PCCA: variants seen among roughly 807,000 people sequenced by gnomAD.
PCCA encodes propionyl-CoA carboxylase subunit alpha.
PCCA carries 74 observed loss-of-function variants against 101.3 expected under a neutral mutation model. That is an observed-to-expected ratio of 0.73 (90% CI 0.61 to 0.89). The LOEUF (loss-of-function observed/expected upper bound fraction) is 0.89. Among genes scored for constraint, PCCA ranks in the 40% least tolerant of loss-of-function variants. The pLI is 0.00. For synonymous variants in PCCA, 294 were observed against 313.6 expected (o/e 0.94, Z 0.66); for missense variants, 891 against 907.0 (o/e 0.98, Z 0.23).
At chr13:100,109,127 TAGCCATA>T (rs1245135354) in intron 2 of PCCA, among the ~76,000 whole-genome samples, 3 of 152,250 alleles carry the variant, frequency 2.0e-5, no homozygotes. Flanking sequence ...TGAAGAACAG[TAGCCATA>T]GCTAATGCTG....
intron 19 of PCCA, among the ~76,000 whole-genome samples, chr13:100,375,451 T>C (rs1354427516): frequency 6.6e-6 from 1 of 152,190 alleles, no homozygotes; most frequent in South Asian, 2.1e-4. Context: ...TGATCTAATA[T>C]TGACAGTGGG....
rs78993515 is a variant in PCCA, at chr13:100,324,674, G to A, written c.1430-5887G>A. 3.2e-3 allele frequency among the ~76,000 whole-genome samples: 481 copies of A among 152,258 alleles called. 4 individuals carry two copies. Among genetic ancestry groups the A allele is most frequent in the African/African-American group, 0.011 (439 of 41,544 alleles). ...AATGTACACAAACAGTAAAGACGCA[G>A]CATGAAATCATAACCACATTAAGAT... On this transcript the variant is annotated intron_variant, in intron 16 of 23. Transcript: ENST00000376285.
intron 18 of PCCA, among the ~76,000 whole-genome samples, chr13:100,341,973 A>ATATATATATATATAGATATATATATG (rs1257478273): frequency 8.2e-6 from 1 of 121,870 alleles, no homozygotes; most frequent in Non-Finnish European, 1.7e-5. Context: ...ATATATATAT[A>ATATATATATATATAGATATATATATG]TATATATATG....
chr13:100,442,397 G>C (rs756056089), intron 20 of PCCA, among the ~76,000 whole-genome samples: 1 of 152,198 alleles, frequency 6.6e-6, no homozygotes, highest in East Asian at 1.9e-4. Context: ...TGAATGCAAT[G>C]TTAAGGACAG....
chr13:100,168,883 A>T (rs1205441641), intron 6 of PCCA, among the ~76,000 whole-genome samples: 1 of 152,176 alleles, frequency 6.6e-6, no homozygotes, highest in Non-Finnish European at 1.5e-5. Context: ...TGTGTGAAAT[A>T]AGCCTTTTTA....
chr13:100,216,386 G>C (rs1398192939), intron 7 of PCCA, among the ~76,000 whole-genome samples: 1 of 152,228 alleles, frequency 6.6e-6, no homozygotes, highest in Non-Finnish European at 1.5e-5. Flanking sequence ...TGGTGTAGTA[G>C]GGAGCTTAGA....
At chr13:100,216,222 C>G (rs953263443) in intron 7 of PCCA, among the ~76,000 whole-genome samples, 3 of 152,012 alleles carry the variant, frequency 2.0e-5, no homozygotes, top group African/African-American at 7.3e-5. Context: ...ATGTTGCTAT[C>G]CTGGAGAAGA....
intron 21 of PCCA, chr13:100,480,482 G>T (rs531347720): frequency 6.6e-6 from 1 of 152,320 alleles, no homozygotes; most frequent in South Asian, 2.1e-4. Flanking sequence ...TATAGGGGCT[G>T]TCTGAAACTA....
chr13:100,264,063 G>A (rs1274605673), intron 10 of PCCA, among the ~76,000 whole-genome samples: 1 of 139,902 alleles, frequency 7.1e-6, no homozygotes, highest in Admixed American at 7.2e-5. Context: ...GTATATATAC[G>A]GTATCTGTAT....
chr13:100,240,504 A>G (rs2061059648), intron 8 of PCCA, among the ~76,000 whole-genome samples: 1 of 152,004 alleles, frequency 6.6e-6, no homozygotes, highest in African/African-American at 2.4e-5. Flanking sequence ...TCAAGAGAAG[A>G]TTCTCTAATA....
chr13:100,315,526 T>C (rs189784929), intron 16 of PCCA, among the ~76,000 whole-genome samples: 24 of 152,340 alleles, frequency 1.6e-4, no homozygotes, highest in Non-Finnish European at 2.8e-4. Context: ...ATGAATATTT[T>C]TTTCCTGTGC....
intron 8 of PCCA, among the ~76,000 whole-genome samples, chr13:100,238,198 C>A (rs532628914): frequency 1.3e-5 from 2 of 152,156 alleles, no homozygotes; most frequent in African/African-American, 4.8e-5. Context: ...CCTCAGCCTC[C>A]CAAAGTGCCG....
chr13:100,443,912 G>A (rs1217901912), intron 20 of PCCA, among the ~76,000 whole-genome samples: 4 of 151,948 alleles, frequency 2.6e-5, no homozygotes, highest in South Asian at 2.1e-4. Context: ...TCCTAGCCTC[G>A]TCCTTCCCCA....
chr13:100,319,625 T>C (rs2067781674), intron 16 of PCCA, among the ~76,000 whole-genome samples: 1 of 152,224 alleles, frequency 6.6e-6, no homozygotes, highest in Non-Finnish European at 1.5e-5. Context: ...TTGTCAGGTT[T>C]GTCAAAGATC....
intron 19 of PCCA, 110 bp from the exon 20 acceptor site, chr13:100,425,520 GGTT>G (rs1430501976): frequency 5.9e-5 from 44 of 748,006 alleles, no homozygotes; most frequent in Non-Finnish European, 8.9e-5. Flanking sequence ...AAACATGACA[GGTT>G]GTTTGGGAGC....
At position 100,154,692 on chromosome 13, in the gene PCCA, G is replaced by A. The variant is rs761464092; in HGVS notation, c.301-287G>A. On this transcript the variant is annotated intron_variant, in intron 4 of 23. Transcript: ENST00000376285. Reference sequence around the variant, plus strand: ...ATATCAAATTTATGTATTGATGAACGGAATAGGAAGCTAAAATTGTTTGCT... The same window carrying A: ...ATATCAAATTTATGTATTGATGAACAGAATAGGAAGCTAAAATTGTTTGCT... The A allele has an allele frequency of 2.6e-5, 10 of 377,534 alleles. No individual in the cohort carries two copies. The Admixed American group carries it at 3.1e-4, about 12-fold the overall frequency. The allele number at this position is 377,534 out of a possible 1,614,324, so 23.4% of individuals were successfully genotyped here.
intron 8 of PCCA, among the ~76,000 whole-genome samples, chr13:100,255,807 A>G (rs758919535): frequency 2.6e-5 from 4 of 152,198 alleles, no homozygotes; most frequent in Non-Finnish European, 4.4e-5. Context: ...AGAATCAAGA[A>G]TCAAAGCATG....
chr13:100,216,158 T>C (rs1237560385), intron 7 of PCCA, among the ~76,000 whole-genome samples: 1 of 147,954 alleles, frequency 6.8e-6, no homozygotes. Context: ...CCCAAGGATA[T>C]AGAGGGCCAA....
intron 22 of PCCA, among the ~76,000 whole-genome samples, chr13:100,520,946 T>C (rs1180614327): frequency 6.6e-6 from 1 of 152,162 alleles, no homozygotes; most frequent in Non-Finnish European, 1.5e-5. Context: ...CTTACCAAGA[T>C]GTAAACTATC....
Sources: allele counts gnomAD v4.1 joint callset (sites outside exome capture counted in the v4.1 genomes callset), GRCh38; gene constraint gnomAD v4.1.1; transcripts MANE v1.5; gene names NCBI Gene and HGNC (gene_info 2026-07-23, HGNC 2026-07-21).